The following BCL11B variants were observed in gnomAD, a reference collection of about 807,000 sequenced individuals.
BCL11B encodes BCL11 transcription factor B.
In BCL11B, 8 loss-of-function variants were observed where a neutral mutation model predicts 49.9. The observed-to-expected ratio is 0.16, with a 90% CI of 0.09 to 0.29. The LOEUF (loss-of-function observed/expected upper bound fraction) is 0.29. BCL11B is among the 10% of genes least tolerant of loss of function. The pLI is 1.00. For synonymous variants in BCL11B, 739 were observed against 637.4 expected (o/e 1.16, Z -2.40); for missense variants, 1,006 against 1,351.0 (o/e 0.74, Z 4.00).
intron 2 of BCL11B, among the ~76,000 whole-genome samples, chr14:99,240,205 G>A (rs556928467): frequency 5.9e-4 from 90 of 152,166 alleles, no homozygotes; most frequent in African/African-American, 2.1e-3. Flanking sequence ...AAGAAAGGAA[G>A]AGAGAGAAAA....
chr14:99,216,555 C>G (rs1312229287), intron 3 of BCL11B, among the ~76,000 whole-genome samples: 2 of 152,098 alleles, frequency 1.3e-5, no homozygotes, highest in Non-Finnish European at 2.9e-5. Flanking sequence ...AGATTGGGGG[C>G]GGGGGCTCAG....
chr14:99,174,739 G>T lies in BCL11B; in HGVS notation c.2097C>A (p.Ala699=), dbSNP rs1282744171. 6.5e-7 allele frequency: 1 copy of T among 1,530,036 alleles called. No individual in the cohort carries two copies. The highest frequency in any genetic ancestry group is 8.8e-7 in the Non-Finnish European group (1 of 1,138,998). The allele number at this position is 1,530,036 out of a possible 1,614,324, so 94.8% of individuals were successfully genotyped here. The change falls in exon 4 of 4, where the codon GCC becomes GCA. Residue 699 remains alanine, a synonymous_variant. Transcript: ENST00000357195. ...KVEKDLELPP[A]ALIPSENVYS... is the part of the protein sequence containing the mutation. ...ACACGTTCTCGGACGGGATGAGCGC[G>T]GCGGGCGGCAGCTCCAGGTCCTTCT...
rs1186259093 is a variant in BCL11B at position 99,248,573 on chromosome 14, C to T, written c.427+8898G>A. On this transcript the variant is annotated intron_variant, in intron 2 of 3. Coordinates refer to ENST00000357195, the MANE Select transcript of BCL11B (RefSeq NM_138576.4). This position sits in a 1 kb window ranked among gnomAD's most constrained non-coding sequence, Gnocchi z 4.7. ...TCACACAAGGGGCTCTGAGCTTCAACTGTTTACCTCACGGTGAGTGGACCA... is the reference window on the plus strand; with the variant it reads ...TCACACAAGGGGCTCTGAGCTTCAATTGTTTACCTCACGGTGAGTGGACCA... Among the ~76,000 whole-genome samples, 1 of 152,220 alleles carries T rather than the reference C, an allele frequency of 6.6e-6. No individual in the cohort carries two copies. Among genetic ancestry groups the T allele is most frequent in the African/African-American group, 2.4e-5 (1 of 41,454 alleles).
Position 99,176,310 on chromosome 14 carries a change from T to G in BCL11B, c.641-115A>C, listed in dbSNP as rs2487507. On this transcript the variant is annotated intron_variant, in intron 3 of 3. Coordinates refer to ENST00000357195, the MANE Select transcript of BCL11B (RefSeq NM_138576.4). ...GGCCCGGGCTGATCCGGGATCCCAGTGCCCTGCCTGACAGGGGCTGCAGGG... is the reference window on the plus strand; with the variant it reads ...GGCCCGGGCTGATCCGGGATCCCAGGGCCCTGCCTGACAGGGGCTGCAGGG... The G allele has an allele frequency of 4.2e-6, 4 of 958,612 alleles. No individual in the cohort carries two copies. In the African/African-American group the frequency reaches 5.2e-5, roughly 12 times the overall value. The allele number at this position is 958,612 out of a possible 1,614,324, so 59.4% of individuals were successfully genotyped here. A position where few individuals can be genotyped will look rare whatever the true frequency, so the allele number is the denominator to read the frequency against.
In BCL11B at chr14:99,192,128, C is replaced by T. The variant is rs904293438; in HGVS notation, c.641-15933G>A. 6.6e-6 allele frequency among the ~76,000 whole-genome samples: 1 copy of T among 152,160 alleles called. No individual in the cohort carries two copies. The highest frequency in any genetic ancestry group is 1.5e-5 in the Non-Finnish European group (1 of 68,030). ...ATTCTTCTTAGTTGTAGAAACACTC[C>T]AAATCAGAAAGTCAATTTTTCCTCT... On this transcript the variant is annotated intron_variant, in intron 3 of 3. Transcript: ENST00000357195. The surrounding 1 kb of genome is among the most constrained non-coding windows in gnomAD (Gnocchi z 4.0).
chr14:99,202,818 C>T (rs914773950), intron 3 of BCL11B, among the ~76,000 whole-genome samples: 1 of 152,190 alleles, frequency 6.6e-6, no homozygotes, highest in Non-Finnish European at 1.5e-5. Flanking sequence ...TCTCATGCAG[C>T]GCTGCCCCTG....
At chr14:99,214,109 C>G (rs2139848551) in intron 3 of BCL11B, among the ~76,000 whole-genome samples, 1 of 152,306 alleles carries the variant, frequency 6.6e-6, no homozygotes, top group Non-Finnish European at 1.5e-5. Flanking sequence ...CAGAAGTTCC[C>G]CTTCCCTTCT....
intron 3 of BCL11B, among the ~76,000 whole-genome samples, chr14:99,211,254 T>C (rs1257644380): frequency 1.3e-5 from 2 of 152,146 alleles, no homozygotes; most frequent in Non-Finnish European, 1.5e-5. Flanking sequence ...GAAAGCACCA[T>C]GGGAGCAGCA....
intron 2 of BCL11B, among the ~76,000 whole-genome samples, chr14:99,237,981 G>T (rs1888553921): frequency 6.6e-6 from 1 of 152,126 alleles, no homozygotes; most frequent in Non-Finnish European, 1.5e-5. Flanking sequence ...ATGGGCAACT[G>T]CTCATCTTTG....
In BCL11B at chr14:99,187,520, C is replaced by A. The variant is rs1225059890; in HGVS notation, c.641-11325G>T. ...TCACTTTGATGGTGACGTTCCCCCA[C>A]GCCGCCCAACATGAGAGTTTTCTGA... On this transcript the variant is annotated intron_variant, in intron 3 of 3. Transcript: ENST00000357195. Among the ~76,000 whole-genome samples the A allele has an allele frequency of 2.6e-5, 4 of 152,056 alleles. No individual in the cohort carries two copies. In the South Asian group the frequency reaches 8.3e-4, roughly 32 times the overall value.
At chr14:99,254,709 G>A (rs867354740) in intron 2 of BCL11B, among the ~76,000 whole-genome samples, 14 of 152,382 alleles carry the variant, frequency 9.2e-5, no homozygotes, top group African/African-American at 3.4e-4. Context: ...CGGCCAGGAG[G>A]CAGAAGCCTG....
rs182477813 is a variant in BCL11B at position 99,205,106 on chromosome 14, A to G, written c.640+26239T>C. ...ACATTACTTTGAAAGGGAGCATAAT[A>G]TGATCCTTCCTTAATGGAAGCAGCT... is the stretch of plus-strand genomic sequence containing the variant. On this transcript the variant is annotated intron_variant, in intron 3 of 3. Coordinates refer to ENST00000357195, the MANE Select transcript of BCL11B (RefSeq NM_138576.4). The surrounding 1 kb of genome is among the most constrained non-coding windows in gnomAD (Gnocchi z 5.0). 5.9e-5 allele frequency among the ~76,000 whole-genome samples: 9 copies of G among 152,178 alleles called. No homozygotes were observed. The highest frequency in any genetic ancestry group is 1.5e-5 in the Non-Finnish European group (1 of 68,012).
chr14:99,270,600 C>T (rs947316547), intron 1 of BCL11B, among the ~76,000 whole-genome samples: 2 of 151,908 alleles, frequency 1.3e-5, no homozygotes, highest in African/African-American at 4.8e-5. Context: ...GCGGCCGGCA[C>T]CCTGCTGGGC....
In BCL11B at chr14:99,203,694, C is replaced by A. The variant is rs1012852674; in HGVS notation, c.641-27499G>T. 3.9e-5 allele frequency among the ~76,000 whole-genome samples: 6 copies of A among 152,236 alleles called. No individual in the cohort carries two copies. In the East Asian group the frequency reaches 5.8e-4, roughly 15 times the overall value. On this transcript the variant is annotated intron_variant, in intron 3 of 3. Coordinates refer to ENST00000357195, the MANE Select transcript of BCL11B (RefSeq NM_138576.4). Reference sequence around the variant, plus strand: ...ATTGCACAAATGGGTCTGAAAACTGCATCTCCTGGGCCAAGCTCTGTGCTG... The same window carrying A: ...ATTGCACAAATGGGTCTGAAAACTGAATCTCCTGGGCCAAGCTCTGTGCTG...
At chr14:99,177,087 A>G (rs1358036881) in intron 3 of BCL11B, among the ~76,000 whole-genome samples, 1 of 152,120 alleles carries the variant, frequency 6.6e-6, no homozygotes, top group African/African-American at 2.4e-5. Context: ...AAGACCGGCT[A>G]CTACTGTGAC....
chr14:99,265,024 A>G (rs1420730028), intron 1 of BCL11B, among the ~76,000 whole-genome samples: 2 of 152,170 alleles, frequency 1.3e-5, no homozygotes, highest in Non-Finnish European at 2.9e-5. Context: ...GGGACAGGAC[A>G]GAGCACACAG....
chr14:99,213,654 C>T lies in BCL11B; in HGVS notation c.640+17691G>A, dbSNP rs972457937. Among the ~76,000 whole-genome samples the T allele has an allele frequency of 3.3e-5, 5 of 152,194 alleles. No homozygotes were observed. The highest frequency in any genetic ancestry group is 5.9e-5 in the Non-Finnish European group (4 of 68,032). On this transcript the variant is annotated intron_variant, in intron 3 of 3. Transcript: ENST00000357195. The surrounding 1 kb of genome is among the most constrained non-coding windows in gnomAD (Gnocchi z 5.1). ...CCCGGACGCCACAGGCTGCAGAGTCCATGAGCTTGGGCAGAGCACAAAGGT... is the reference window on the plus strand; with the variant it reads ...CCCGGACGCCACAGGCTGCAGAGTCTATGAGCTTGGGCAGAGCACAAAGGT...
At chr14:99,243,918 TAAAAAAAAAAAAAAAAAAAAAAAAA>T (rs200999902) in intron 2 of BCL11B, among the ~76,000 whole-genome samples, 2 of 128,098 alleles carry the variant, frequency 1.6e-5, no homozygotes, top group African/African-American at 2.7e-5. Context: ...ACATTGCTCC[TAAAAAAAAAAAAAAAAAAAAAAAAA>T]AAAAAAAAAG....
intron 1 of BCL11B, among the ~76,000 whole-genome samples, chr14:99,270,352 C>T (rs188544053): frequency 1.7e-3 from 252 of 151,888 alleles, no homozygotes; most frequent in African/African-American, 5.8e-3. Flanking sequence ...TCTCTTCCCA[C>T]TCCTAACTGA....
Sources: gnomAD v4.1 joint callset for allele counts (sites outside exome capture counted in the v4.1 genomes callset) on GRCh38, gnomAD v4.1.1 for gene constraint, Gnocchi (gnomAD v3.1) non-coding constraint, MANE v1.5 for transcripts, NCBI Gene and HGNC (gene_info 2026-07-23, HGNC 2026-07-21) for gene names.